QSER1: variants seen among roughly 807,000 people sequenced by gnomAD.
QSER1 encodes the protein glutamine and serine rich 1.
In QSER1, 49 loss-of-function variants were observed where a neutral mutation model predicts 158.5. That is an observed-to-expected ratio of 0.31 (90% CI 0.25 to 0.39). QSER1 has a LOEUF of 0.39. Among genes scored for constraint, QSER1 ranks in the 10% least tolerant of loss-of-function variants. The probability of loss-of-function intolerance (pLI) is 1.00; values close to 1 mark genes in which losing one functional copy is unlikely to be tolerated. For missense variants in QSER1, 1,754 were observed against 2,010.3 expected, an observed-to-expected ratio of 0.87 and a Z score of 2.44; for synonymous variants, 650 against 715.5, an observed-to-expected ratio of 0.91 and a Z score of 1.46.
intron 7 of QSER1, among the ~76,000 whole-genome samples, chr11:32,956,341 T>C (rs1026335851): frequency 3.3e-5 from 5 of 152,184 alleles, no homozygotes; most frequent in African/African-American, 7.2e-5. Flanking sequence ...TTCTTTTCCC[T>C]AAGTCCTTTT....
At chr11:32,970,768 A>C (rs2133609177) in intron 10 of QSER1, among the ~76,000 whole-genome samples, 1 of 152,236 alleles carries the variant, frequency 6.6e-6, no homozygotes, top group South Asian at 2.1e-4. Flanking sequence ...CTTGTGAAAT[A>C]CTATATTTTG....
intron 1 of QSER1, among the ~76,000 whole-genome samples, chr11:32,923,551 G>A (rs1851925362): frequency 1.3e-5 from 2 of 152,080 alleles, no homozygotes; most frequent in Non-Finnish European, 2.9e-5. Context: ...AGTGGTGCAC[G>A]CCTGTAATCC....
rs776978081 is a variant in QSER1, at chr11:32,966,360, C to T, written c.5030C>T (p.Thr1677Ile). Residue 1677 changes from threonine (T) to isoleucine (I), a missense_variant, in exon 9 of 13, where the codon ACC becomes ATC. Coordinates refer to ENST00000650167, the MANE Select transcript of QSER1 (RefSeq NM_001076786.3). ...RFLNTRAMKE[T>I]FKSYMELLVS... The stretch of plus-strand genomic sequence containing the variant: ...TTGAACACAAGAGCAATGAAGGAAA[C>T]CTTTAAGAGCTACATGGAATTGCTT... 6.2e-7 allele frequency: 1 copy of T among 1,614,052 alleles called. No individual in the cohort carries two copies. The highest frequency in any genetic ancestry group is 1.7e-5 in the Admixed American group (1 of 60,016).
intron 4 of QSER1, among the ~76,000 whole-genome samples, chr11:32,952,569 T>A (rs957784926): frequency 6.6e-6 from 1 of 152,154 alleles, no homozygotes; most frequent in African/African-American, 2.4e-5. Context: ...AGTTTTCTCA[T>A]GCTGTTTTTG....
At chr11:32,959,230 C>T (rs1225524212) in intron 8 of QSER1, among the ~76,000 whole-genome samples, 1 of 152,170 alleles carries the variant, frequency 6.6e-6, no homozygotes, top group Non-Finnish European at 1.5e-5. Flanking sequence ...GTTGCTTTCC[C>T]ACTACAGTGG....
At position 32,978,088 on chromosome 11, in the gene QSER1, G is replaced by A. The variant is rs1248275279; in HGVS notation, c.*1614G>A. ...TAAGCTTACATATTTATTTCTGATG[G>A]TTATCTTATTAAAAGCAATAATCCT... is the stretch of plus-strand genomic sequence containing the variant. On this transcript the variant is annotated 3_prime_UTR_variant, in exon 13 of 13. Coordinates refer to ENST00000650167, the MANE Select transcript of QSER1 (RefSeq NM_001076786.3). 1 of 152,494 alleles carries A rather than the reference G, an allele frequency of 6.6e-6. No homozygotes were observed. The highest frequency in any genetic ancestry group is 2.4e-5 in the African/African-American group (1 of 41,410). The allele number at this position is 152,494 out of a possible 1,614,324, so 9.4% of individuals were successfully genotyped here. A position where few individuals can be genotyped will look rare whatever the true frequency, so the allele number is the denominator to read the frequency against.
intron 4 of QSER1, among the ~76,000 whole-genome samples, chr11:32,946,927 C>T (rs1467286985): frequency 6.6e-6 from 1 of 151,706 alleles, no homozygotes; most frequent in African/African-American, 2.4e-5. Context: ...GATATAATCT[C>T]GTGGTGCGCC....
rs1449318390 is a variant in QSER1 at position 32,958,865 on chromosome 11, CCTCT to C, written c.4969+782_4969+785del. ...TGTACCTATAACGAAGGTAGGATATCCTCTCTTAGTTTTCTTGTTTTATAAAATG... is the reference window on the plus strand; with the variant it reads ...TGTACCTATAACGAAGGTAGGATATCCTTAGTTTTCTTGTTTTATAAAATG... On this transcript the variant is annotated intron_variant, in intron 8 of 12. Coordinates refer to ENST00000650167, the MANE Select transcript of QSER1 (RefSeq NM_001076786.3). 8.5e-4 allele frequency among the ~76,000 whole-genome samples: 129 copies of C among 152,102 alleles called. 2 individuals carry two copies. Among genetic ancestry groups the C allele is most frequent in the Non-Finnish European group, 1.0e-4 (7 of 67,992 alleles).
intron 1 of QSER1, among the ~76,000 whole-genome samples, chr11:32,917,174 A>G (rs1392127409): frequency 6.6e-6 from 1 of 152,212 alleles, no homozygotes; most frequent in Non-Finnish European, 1.5e-5. Flanking sequence ...TCCAGGTTGT[A>G]GCATGTATCA....
At chr11:32,955,123 C>T (rs1210406493) in intron 5 of QSER1, among the ~76,000 whole-genome samples, 173 bp from the exon 6 acceptor site, 1 of 152,144 alleles carries the variant, frequency 6.6e-6, no homozygotes, top group Non-Finnish European at 1.5e-5. Flanking sequence ...ATAATTTAAG[C>T]AGAGACTGAA....
chr11:32,977,179 A>G lies in QSER1; in HGVS notation c.*705A>G, dbSNP rs1354419522. ...GTTTATACTGTTTTTTCCTTTGGAA[A>G]ATTTTCAATTGTACATTTTATTTCA... On this transcript the variant is annotated 3_prime_UTR_variant, in exon 13 of 13. Transcript: ENST00000650167. 6.6e-6 allele frequency: 1 copy of G among 152,592 alleles called. No individual in the cohort carries two copies. The highest frequency in any genetic ancestry group is 2.4e-5 in the African/African-American group (1 of 41,458). 9.5% of individuals were successfully genotyped at this position (152,592 alleles called of 1,614,324 possible).
At chr11:32,905,812 T>C (rs1239967168) in intron 1 of QSER1, among the ~76,000 whole-genome samples, 1 of 152,196 alleles carries the variant, frequency 6.6e-6, no homozygotes, top group Non-Finnish European at 1.5e-5. Flanking sequence ...AAGAAGGTCA[T>C]GTTAGCACCA....
At chr11:32,942,366 G>A (rs1852254602) in intron 4 of QSER1, among the ~76,000 whole-genome samples, 1 of 147,426 alleles carries the variant, frequency 6.8e-6, no homozygotes, top group African/African-American at 2.5e-5. Flanking sequence ...ATGGTTTTAG[G>A]TCTAACGTTT....
chr11:32,950,123 C>T (rs1852398535), intron 4 of QSER1, among the ~76,000 whole-genome samples: 2 of 151,948 alleles, frequency 1.3e-5, no homozygotes, highest in Admixed American at 1.3e-4. Flanking sequence ...GAGAGGGAGT[C>T]TTGCTCTGTC....
intron 8 of QSER1, among the ~76,000 whole-genome samples, chr11:32,959,335 A>G (rs1199859433): frequency 6.6e-6 from 1 of 152,240 alleles, no homozygotes; most frequent in Non-Finnish European, 1.5e-5. Flanking sequence ...CTATTTTTCT[A>G]GAACATAAAG....
chr11:32,945,841 T>C (rs1478727940), intron 4 of QSER1, among the ~76,000 whole-genome samples: 1 of 152,060 alleles, frequency 6.6e-6, no homozygotes, highest in East Asian at 1.9e-4. Flanking sequence ...TTTTCCAACT[T>C]GGTTCCATTC....
At position 32,931,954 on chromosome 11, in the gene QSER1, G is replaced by C; in HGVS notation, c.696G>C (p.Lys232Asn). ...ATCATGACCCTTTGCTACAAATCAA[G>C]ACTTCCCAGGGAACTGTTCCAACTG... ...LSHHDPLLQIKTSQGTVPTAL... is the reference protein window; with the variant it reads ...LSHHDPLLQINTSQGTVPTAL... Residue 232 changes from lysine to asparagine, a missense_variant, in exon 4 of 13, where the codon AAG (lysine) becomes AAC (asparagine). Around this residue, in one of 2 missense-constraint regions of QSER1, gnomAD observed 1,707 missense variants for 1,919.6 expected, o/e 0.89. Transcript: ENST00000650167. 1.2e-6 allele frequency: 2 copies of C among 1,614,148 alleles called. No individual in the cohort carries two copies. Among genetic ancestry groups the C allele is most frequent in the Non-Finnish European group, 1.7e-6 (2 of 1,180,014 alleles).
At chr11:32,972,089 T>C (rs10767975) in intron 10 of QSER1, among the ~76,000 whole-genome samples, 146,521 of 150,162 alleles carry the variant, frequency 0.98, 71,578 homozygotes, top group East Asian at 1. Context: ...AAAACAGTAC[T>C]GTTTTCAGGG....
intron 1 of QSER1, among the ~76,000 whole-genome samples, chr11:32,923,009 T>A (rs909016822): frequency 6.6e-6 from 1 of 152,196 alleles, no homozygotes; most frequent in African/African-American, 2.4e-5. Context: ...CACATGTGTA[T>A]AGCAGCTATA....
Sources: gnomAD v4.1 joint callset for allele counts (sites outside exome capture counted in the v4.1 genomes callset) on GRCh38, gnomAD v4.1.1 for gene constraint, gnomAD v4.1.1 regional missense constraint, MANE v1.5 for transcripts, NCBI Gene and HGNC (gene_info 2026-07-23, HGNC 2026-07-21) for gene names.